PODXL2: variants seen among roughly 807,000 people sequenced by gnomAD.
The protein encoded by PODXL2 is podocalyxin-like protein 2.
Under a neutral mutation model 53.4 loss-of-function variants are expected in PODXL2, and 17 were observed. That is an observed-to-expected ratio of 0.32 (90% CI 0.22 to 0.48). The LOEUF is 0.48. Among genes scored for constraint, PODXL2 ranks in the 20% least tolerant of loss-of-function variants. PODXL2 has a pLI of 0.99. For missense variants in PODXL2, 673 were observed against 760.0 expected (o/e 0.89, Z 1.35); for synonymous variants, 311 against 306.7 (o/e 1.01, Z -0.15).
intron 2 of PODXL2, among the ~76,000 whole-genome samples, chr3:127,646,496 T>G (rs1452532046): frequency 6.6e-6 from 1 of 152,078 alleles, no homozygotes; most frequent in Non-Finnish European, 1.5e-5. Context: ...CAAGTGATTC[T>G]CCTGCCTCAG....
At chr3:127,654,499 G>A (rs2107710216) in intron 2 of PODXL2, among the ~76,000 whole-genome samples, 1 of 152,200 alleles carries the variant, frequency 6.6e-6, no homozygotes, top group South Asian at 2.1e-4. Flanking sequence ...CACCCCACTG[G>A]TTCCTAGTGT....
In PODXL2 at chr3:127,657,930, G is replaced by T. The variant is rs190402675; in HGVS notation, c.350-2448G>T. On this transcript the variant is annotated intron_variant, in intron 2 of 7. Transcript: ENST00000342480. ...TGAATCTTTCTGAAGATATTAACAA[G>T]AAACTTTTCTGAATTCTCTTTTGTT... 1.8e-4 allele frequency among the ~76,000 whole-genome samples: 28 copies of T among 152,294 alleles called. No homozygotes were observed. The East Asian group carries it at 4.8e-3, about 26-fold the overall frequency.
intron 4 of PODXL2, among the ~76,000 whole-genome samples, chr3:127,666,584 A>C (rs935040527): frequency 6.6e-6 from 1 of 151,940 alleles, no homozygotes; most frequent in African/African-American, 2.4e-5. Context: ...ATTTTTTTGC[A>C]TTTTTTGTAG....
rs148708045 is a variant in PODXL2 at position 127,647,083 on chromosome 3, C to T, written c.349+7560C>T. Among the ~76,000 whole-genome samples, 55 of 152,228 alleles carry T rather than the reference C, an allele frequency of 3.6e-4. 1 individual carries two copies. In the East Asian group the frequency reaches 0.01, roughly 28 times the overall value. ...GAGTTTCTGCTTGGTGGATAATGAG[C>T]AGTGTGACCTTGAGTGTGCTGCTTT... On this transcript the variant is annotated intron_variant, in intron 2 of 7. Transcript: ENST00000342480.
chr3:127,668,463 G>A lies in PODXL2; in HGVS notation c.1229G>A (p.Gly410Glu). ...IDCEVFRQHRGPQLLALVEEV... is the reference protein window; with the variant it reads ...IDCEVFRQHREPQLLALVEEV... ...TAGGAGGTGTTCCGGCAGCACCGGG[G>A]GCCACAGCTCCTGGCCCTGGTGGAA... The change falls in exon 5 of 8, where the codon GGG becomes GAG. Residue 410 changes from glycine (G) to glutamate (E), a missense_variant. Gly to Glu is a moderately conservative substitution (Grantham distance 98). Around this residue, in one of 3 missense-constraint regions of PODXL2, gnomAD observed 588 missense variants for 668.3 expected, o/e 0.88. Coordinates refer to ENST00000342480, the MANE Select transcript of PODXL2 (RefSeq NM_015720.4). 1.3e-6 allele frequency: 2 copies of A among 1,550,984 alleles called. No homozygotes were observed. The highest frequency in any genetic ancestry group is 1.4e-5 in the African/African-American group (1 of 73,316).
rs185273773 is a variant in PODXL2 at position 127,662,777 on chromosome 3, A to G, written c.1206+466A>G. On this transcript the variant is annotated intron_variant, in intron 4 of 7. Transcript: ENST00000342480. Reference sequence around the variant, plus strand: ...CTAGGGTTGTCAGCTATGGCTTCTCATGAGAGTGGTCTGGCTGGGCCGTAT... The same window carrying G: ...CTAGGGTTGTCAGCTATGGCTTCTCGTGAGAGTGGTCTGGCTGGGCCGTAT... Among the ~76,000 whole-genome samples the G allele has an allele frequency of 7.2e-5, 11 of 152,282 alleles. No homozygotes were observed. The East Asian group carries it at 2.1e-3, about 29-fold the overall frequency.
chr3:127,634,109 T>C (rs1029023911), intron 1 of PODXL2, among the ~76,000 whole-genome samples: 4 of 151,904 alleles, frequency 2.6e-5, no homozygotes, highest in African/African-American at 7.3e-5. Context: ...TATGATAGAA[T>C]GATAGAACCA....
At chr3:127,669,327 G>A in intron 6 of PODXL2, 125 bp downstream of exon 6, 1 of 665,276 alleles carries the variant, frequency 1.5e-6, no homozygotes, top group South Asian at 1.9e-5. Flanking sequence ...GCGTGCTCTG[G>A]GCAGGTTCCT....
At chr3:127,630,739 T>G (rs1001716668) in intron 1 of PODXL2, among the ~76,000 whole-genome samples, 10 of 152,170 alleles carry the variant, frequency 6.6e-5, no homozygotes, top group African/African-American at 2.4e-4. Context: ...AGGCCCTAGG[T>G]GGTGTGCACA....
intron 2 of PODXL2, among the ~76,000 whole-genome samples, chr3:127,647,921 C>T (rs1416633760): frequency 1.3e-5 from 2 of 152,294 alleles, no homozygotes; most frequent in East Asian, 3.9e-4. Flanking sequence ...GAATGTCCCC[C>T]AGAGTAGAAT....
chr3:127,635,111 G>A (rs2074569053), intron 1 of PODXL2, among the ~76,000 whole-genome samples: 1 of 152,174 alleles, frequency 6.6e-6, no homozygotes, highest in Non-Finnish European at 1.5e-5. Context: ...TAGAGAAAGG[G>A]AAACTGAACA....
At chr3:127,672,069 G>A (rs1404709198) in intron 7 of PODXL2, among the ~76,000 whole-genome samples, 199 bp from the exon 8 acceptor site, 2 of 152,248 alleles carry the variant, frequency 1.3e-5, no homozygotes, top group Non-Finnish European at 2.9e-5. Context: ...CGTCAGGGAG[G>A]CCACGGGGCT....
chr3:127,640,035 C>A (rs780106734), intron 2 of PODXL2, among the ~76,000 whole-genome samples: 3 of 152,242 alleles, frequency 2.0e-5, no homozygotes, highest in Non-Finnish European at 4.4e-5. Context: ...GGCATTCTAA[C>A]CGCCCTTCCC....
chr3:127,629,216 C>A lies in PODXL2; in HGVS notation c.-4C>A. ...CTGCGGCTGCAGGCGGCGACGGCTA[C>A]ACCATGGGCCGGCTGCTGCGGGCCG... On this transcript the variant is annotated 5_prime_UTR_variant, in exon 1 of 8. Coordinates refer to ENST00000342480, the MANE Select transcript of PODXL2 (RefSeq NM_015720.4). The surrounding 1 kb of genome is among the most constrained non-coding windows in gnomAD (Gnocchi z 6.4). 1 of 991,520 alleles carries A rather than the reference C, an allele frequency of 1.0e-6. No individual in the cohort carries two copies. The allele number at this position is 991,520 out of a possible 1,614,324, so 61.4% of individuals were successfully genotyped here. A position where few individuals can be genotyped will look rare whatever the true frequency, so the allele number is the denominator to read the frequency against.
intron 1 of PODXL2, among the ~76,000 whole-genome samples, chr3:127,635,168 T>TC (rs2074569982): frequency 1.3e-5 from 2 of 152,206 alleles, no homozygotes; most frequent in South Asian, 4.1e-4. Context: ...GCCTCCTTTC[T>TC]CCTTCACAGT....
Position 127,669,121 on chromosome 3 carries a change from T to C in PODXL2, c.1364-20T>C. 2 of 1,573,450 alleles carry C rather than the reference T, an allele frequency of 1.3e-6. No individual in the cohort carries two copies. The highest frequency in any genetic ancestry group is 1.7e-6 in the Non-Finnish European group (2 of 1,151,680). On this transcript the variant is annotated intron_variant, in intron 5 of 7. Transcript: ENST00000342480. ...ACCTCAGCCATGGTCACACTGATAG[T>C]GGTGTTTCTTACCCCCCAGGGGTGG...
chr3:127,630,314 C>T (rs1005606528), intron 1 of PODXL2, among the ~76,000 whole-genome samples: 1 of 152,130 alleles, frequency 6.6e-6, no homozygotes, highest in Non-Finnish European at 1.5e-5. Flanking sequence ...GGAGGAATAC[C>T]CGGATGAGGA....
intron 4 of PODXL2, among the ~76,000 whole-genome samples, chr3:127,665,096 C>T (rs1379743837): frequency 1.3e-5 from 2 of 152,152 alleles, no homozygotes; most frequent in Non-Finnish European, 2.9e-5. Context: ...TATCTGATTA[C>T]CTACCTTATT....
intron 2 of PODXL2, among the ~76,000 whole-genome samples, chr3:127,646,637 C>T (rs2074659074): frequency 6.6e-6 from 1 of 152,202 alleles, no homozygotes; most frequent in Admixed American, 6.5e-5. Context: ...CTGCCCGTCT[C>T]GGCCGCCCAA....
Sources: allele counts gnomAD v4.1 joint callset (sites outside exome capture counted in the v4.1 genomes callset), GRCh38; gene constraint gnomAD v4.1.1; regional missense constraint gnomAD v4.1.1; non-coding constraint Gnocchi (gnomAD v3.1); transcripts MANE v1.5; gene names NCBI Gene and HGNC (gene_info 2026-07-23, HGNC 2026-07-21).